FREM2: variants seen among roughly 807,000 people sequenced by gnomAD.
FREM2 encodes FRAS1 related extracellular matrix 2.
Under a neutral mutation model 219.9 loss-of-function variants are expected in FREM2, and 119 were observed. The observed-to-expected ratio is 0.54, with a 90% CI of 0.47 to 0.63. FREM2 has a LOEUF of 0.63. FREM2 is among the 30% of genes least tolerant of loss of function. The pLI is 0.00. For missense variants in FREM2, 4,030 were observed against 3,993.6 expected (o/e 1.01, Z -0.25); for synonymous variants, 1,562 against 1,522.8 (o/e 1.03, Z -0.60).
At chr13:38,766,970 G>A (rs1419792413) in intron 3 of FREM2, among the ~76,000 whole-genome samples, 1 of 152,018 alleles carries the variant, frequency 6.6e-6, no homozygotes, top group African/African-American at 2.4e-5. Context: ...TTATTTGCTG[G>A]GCCTACTTCC....
In FREM2 at chr13:38,687,883, A is replaced by C; in HGVS notation, c.539A>C (p.Glu180Ala). The C allele has an allele frequency of 6.3e-7, 1 of 1,580,298 alleles. No homozygotes were observed. The change falls in exon 1 of 24, where the codon GAG (glutamate) becomes GCG (alanine). Residue 180 changes from glutamate (E) to alanine (A), a missense_variant. Physicochemically the swap from Glu to Ala is moderately radical, Grantham distance 107. Around this residue, in one of 2 missense-constraint regions of FREM2, gnomAD observed 3,102 missense variants for 2,950.7 expected, o/e 1.05. Transcript: ENST00000280481. ...LEVEVVFTQLEVVTRNLPLVV... is the reference protein window; with the variant it reads ...LEVEVVFTQLAVVTRNLPLVV... The stretch of plus-strand genomic sequence containing the variant: ...GTGGAGGTGGTCTTCACCCAGCTGG[A>C]GGTTGTGACTCGGAACTTGCCTCTG...
At chr13:38,714,248 T>G (rs1181092329) in intron 2 of FREM2, among the ~76,000 whole-genome samples, 2 of 152,230 alleles carry the variant, frequency 1.3e-5, no homozygotes, top group Non-Finnish European at 2.9e-5. Flanking sequence ...CCTGTATTAA[T>G]CAGTGGTTGA....
intron 4 of FREM2, among the ~76,000 whole-genome samples, chr13:38,773,780 T>G (rs1282426014): frequency 1.3e-5 from 2 of 152,082 alleles, no homozygotes; most frequent in African/African-American, 4.8e-5. Context: ...GGGTTTAAAG[T>G]TCATGAAACA....
At position 38,832,819 on chromosome 13, in the gene FREM2, C is replaced by T. The variant is rs146249506; in HGVS notation, c.6020-13754C>T. On this transcript the variant is annotated intron_variant, in intron 6 of 23. Coordinates refer to ENST00000280481, the MANE Select transcript of FREM2 (RefSeq NM_207361.6). ...AAGCACTTTGGGAAGCTGAGGCGGA[C>T]AGATCGCTTGAGTCCAGGAGTTCAA... Among the ~76,000 whole-genome samples the T allele has an allele frequency of 2.4e-3, 362 of 152,152 alleles. 1 individual carries two copies. Among genetic ancestry groups the T allele is most frequent in the African/African-American group, 8.5e-3 (353 of 41,520 alleles).
At chr13:38,753,973 T>TTTTTATTTTATTTTA (rs10661426) in intron 2 of FREM2, among the ~76,000 whole-genome samples, 39 of 148,492 alleles carry the variant, frequency 2.6e-4, no homozygotes, top group East Asian at 7.9e-4. Context: ...TTTATTTTAT[T>TTTTTATTTTATTTTA]TTTTATTTTA....
At chr13:38,852,049 G>C (rs1877391030) in intron 11 of FREM2, among the ~76,000 whole-genome samples, 181 bp downstream of exon 11, 1 of 152,134 alleles carries the variant, frequency 6.6e-6, no homozygotes, top group African/African-American at 2.4e-5. Flanking sequence ...TTATGTAGTA[G>C]TGAAGTCTAG....
At chr13:38,759,450 T>TAA (rs75729303) in intron 2 of FREM2, among the ~76,000 whole-genome samples, 44 of 125,780 alleles carry the variant, frequency 3.5e-4, no homozygotes, top group Non-Finnish European at 4.5e-4. Flanking sequence ...TTTGTTATTC[T>TAA]AAAAAAAAAA....
chr13:38,842,381 T>C (rs1245128204), intron 6 of FREM2, among the ~76,000 whole-genome samples: 1 of 152,100 alleles, frequency 6.6e-6, no homozygotes, highest in Non-Finnish European at 1.5e-5. Flanking sequence ...TGCCTACAGC[T>C]GGATTAGTGG....
At chr13:38,810,530 A>T (rs539806139) in intron 6 of FREM2, among the ~76,000 whole-genome samples, 2 of 152,090 alleles carry the variant, frequency 1.3e-5, no homozygotes, top group East Asian at 1.9e-4. Context: ...ATCATGAAGG[A>T]TGTTGAACTT....
chr13:38,739,172 A>C (rs1038836180), intron 2 of FREM2, among the ~76,000 whole-genome samples: 3 of 152,144 alleles, frequency 2.0e-5, no homozygotes, highest in African/African-American at 7.2e-5. Flanking sequence ...TCATTGTCAT[A>C]ATCATCATCA....
chr13:38,753,520 C>T (rs1333367229), intron 2 of FREM2, among the ~76,000 whole-genome samples: 1 of 152,218 alleles, frequency 6.6e-6, no homozygotes, highest in African/African-American at 2.4e-5. Flanking sequence ...ATTATTCACA[C>T]ACATAATCAT....
At chr13:38,703,971 A>G (rs1276254611) in intron 2 of FREM2, among the ~76,000 whole-genome samples, 1 of 152,180 alleles carries the variant, frequency 6.6e-6, no homozygotes, top group South Asian at 2.1e-4. Flanking sequence ...ATATGTTAAT[A>G]ATTTGATAGT....
At chr13:38,711,523 G>A (rs750810407) in intron 2 of FREM2, among the ~76,000 whole-genome samples, 2 of 152,158 alleles carry the variant, frequency 1.3e-5, no homozygotes, top group African/African-American at 2.4e-5. Context: ...CACACATAGT[G>A]AATGTAGTGA....
At chr13:38,696,409 T>C (rs1352396394) in intron 1 of FREM2, among the ~76,000 whole-genome samples, 1 of 152,208 alleles carries the variant, frequency 6.6e-6, no homozygotes, top group Admixed American at 6.5e-5. Context: ...ATAAAGCCAT[T>C]GTCTTCTTTA....
At chr13:38,787,551 G>GATAGC (rs1260561666) in intron 6 of FREM2, among the ~76,000 whole-genome samples, 1 of 151,926 alleles carries the variant, frequency 6.6e-6, no homozygotes, top group Non-Finnish European at 1.5e-5. Flanking sequence ...TCGTCAGGAA[G>GATAGC]ATAGATAGGC....
intron 2 of FREM2, 151 bp downstream of exon 2, chr13:38,697,938 T>C: frequency 1.4e-6 from 1 of 696,912 alleles, no homozygotes; most frequent in Non-Finnish European, 2.6e-6. Context: ...TTTTACAATC[T>C]CACTATGACA....
At chr13:38,709,861 T>C (rs1870695414) in intron 2 of FREM2, among the ~76,000 whole-genome samples, 1 of 151,964 alleles carries the variant, frequency 6.6e-6, no homozygotes, top group Admixed American at 6.6e-5. Flanking sequence ...ACATCAGTGA[T>C]GGCCGGGCGC....
intron 6 of FREM2, among the ~76,000 whole-genome samples, chr13:38,804,031 T>A (rs538006491): frequency 6.6e-6 from 1 of 152,058 alleles, no homozygotes; most frequent in Non-Finnish European, 1.5e-5. Context: ...TCCCAAAAAC[T>A]AACGGCAGAA....
At chr13:38,726,343 G>A (rs770220425) in intron 2 of FREM2, among the ~76,000 whole-genome samples, 1 of 152,182 alleles carries the variant, frequency 6.6e-6, no homozygotes, top group Non-Finnish European at 1.5e-5. Context: ...AGGTGGTTTG[G>A]AATATGTGCT....
Sources: gnomAD v4.1 joint callset for allele counts (sites outside exome capture counted in the v4.1 genomes callset) on GRCh38, gnomAD v4.1.1 for gene constraint, gnomAD v4.1.1 regional missense constraint, MANE v1.5 for transcripts, NCBI Gene and HGNC (gene_info 2026-07-23, HGNC 2026-07-21) for gene names.